SPMIP7: variants seen among roughly 807,000 people sequenced by gnomAD.
The protein encoded by SPMIP7 is protein SPMIP7.
the SPMIP7 span, among the ~76,000 whole-genome samples, chr7:50,123,754 G>A: frequency 4.6e-4 from 70 of 151,472 alleles, 1 homozygote; most frequent in African/African-American, 1.7e-3. Flanking sequence ...GCTTAAGTTG[G>A]AATTCTAAAA....
the SPMIP7 span, among the ~76,000 whole-genome samples, chr7:50,130,532 G>T: frequency 0.012 from 1,786 of 152,198 alleles, 41 homozygotes; most frequent in African/African-American, 0.04. Flanking sequence ...TCAGATTTGG[G>T]TGGGGACACA....
At chr7:50,122,810 GA>G in the SPMIP7 span, among the ~76,000 whole-genome samples, 2 of 150,318 alleles carry the variant, frequency 1.3e-5, no homozygotes, top group Middle Eastern at 3.4e-3. Context: ...AAAAACACAT[GA>G]AAAAATGCTC....
chr7:50,130,991 G>T, the SPMIP7 span, among the ~76,000 whole-genome samples: 1 of 152,112 alleles, frequency 6.6e-6, no homozygotes, highest in Admixed American at 6.6e-5. Flanking sequence ...ATTTTACCAG[G>T]ACTGTCATTC....
the SPMIP7 span, chr7:50,141,403 T>C: frequency 2.1e-6 from 3 of 1,428,100 alleles, no homozygotes; most frequent in Admixed American, 5.9e-5. Context: ...GTTCCATTCA[T>C]GATTATTTCA....
the SPMIP7 span, among the ~76,000 whole-genome samples, chr7:50,151,202 C>T: frequency 7.9e-5 from 12 of 152,098 alleles, no homozygotes; most frequent in Non-Finnish European, 1.5e-4. Context: ...AGCAGAAAAA[C>T]ATGAACTTGA....
the SPMIP7 span, among the ~76,000 whole-genome samples, chr7:50,097,721 T>C: frequency 7.9e-3 from 1,183 of 150,300 alleles, 11 homozygotes; most frequent in Non-Finnish European, 0.013. Flanking sequence ...TGAAACTTCG[T>C]AAGATAATAA....
the SPMIP7 span, among the ~76,000 whole-genome samples, chr7:50,126,940 G>A: frequency 6.6e-6 from 1 of 151,824 alleles, no homozygotes; most frequent in Non-Finnish European, 1.5e-5. Context: ...AAAAGACCTG[G>A]AATAGCCAAA....
the SPMIP7 span, chr7:50,096,029 T>C: frequency 9.5e-6 from 11 of 1,162,352 alleles, no homozygotes; most frequent in Middle Eastern, 2.5e-4. Flanking sequence ...TATAGTTAAA[T>C]ATAAAGGAAT....
At chr7:50,097,054 C>T in the SPMIP7 span, among the ~76,000 whole-genome samples, 1 of 152,148 alleles carries the variant, frequency 6.6e-6, no homozygotes, top group Non-Finnish European at 1.5e-5. Context: ...AATTTAAGTA[C>T]TTGAACGTAC....
At chr7:50,151,337 T>C in the SPMIP7 span, 21 of 851,596 alleles carry the variant, frequency 2.5e-5, no homozygotes, top group African/African-American at 3.4e-5. Context: ...AAAAAAAAAA[T>C]TAGACTGCAT....
the SPMIP7 span, among the ~76,000 whole-genome samples, chr7:50,098,693 G>A: frequency 3.3e-5 from 5 of 152,236 alleles, no homozygotes; most frequent in East Asian, 7.7e-4. Context: ...GAGAGAGAGA[G>A]AGAGCTCTAG....
At chr7:50,125,583 ATGG>A in the SPMIP7 span, among the ~76,000 whole-genome samples, 1,135 of 110,274 alleles carry the variant, frequency 0.01, 22 homozygotes, top group African/African-American at 0.034. Context: ...TAAAGAAAAT[ATGG>A]TGTGTGTGTG....
At chr7:50,159,163 C>G in the SPMIP7 span, 49 of 1,551,414 alleles carry the variant, frequency 3.2e-5, no homozygotes, top group African/African-American at 5.9e-4. Flanking sequence ...AAACCATAGA[C>G]TACTAGAGGA....
chr7:50,110,020 A>T, the SPMIP7 span, among the ~76,000 whole-genome samples: 2 of 152,158 alleles, frequency 1.3e-5, no homozygotes, highest in African/African-American at 4.8e-5. Context: ...ATTTTTTGGT[A>T]CACAATCATT....
the SPMIP7 span, among the ~76,000 whole-genome samples, chr7:50,153,686 G>T: frequency 3.3e-5 from 5 of 152,196 alleles, no homozygotes. Flanking sequence ...CACACAAGCT[G>T]CCTGGGGCTC....
At chr7:50,128,139 G>A in the SPMIP7 span, among the ~76,000 whole-genome samples, 1 of 151,864 alleles carries the variant, frequency 6.6e-6, no homozygotes, top group African/African-American at 2.4e-5. Flanking sequence ...AGCCATAAAA[G>A]AGAATAAAAT....
chr7:50,096,175 A>T, the SPMIP7 span: 2 of 1,551,574 alleles, frequency 1.3e-6, no homozygotes, highest in African/African-American at 2.7e-5. Flanking sequence ...TAGATTACCC[A>T]CACTATTGTG....
chr7:50,129,811 T>C, the SPMIP7 span: 1 of 1,493,018 alleles, frequency 6.7e-7, no homozygotes, highest in Non-Finnish European at 9.1e-7. Flanking sequence ...GTTTTCCCAG[T>C]GGAATTTTGA....
the SPMIP7 span, among the ~76,000 whole-genome samples, chr7:50,113,264 C>A: frequency 6.6e-6 from 1 of 151,974 alleles, no homozygotes; most frequent in Non-Finnish European, 1.5e-5. Context: ...AGCAACCAAC[C>A]AACAACTTAA....
Sources: allele counts gnomAD v4.1 joint callset (sites outside exome capture counted in the v4.1 genomes callset), GRCh38; gene constraint gnomAD v4.1.1; transcripts MANE v1.5; gene names NCBI Gene and HGNC (gene_info 2026-07-23, HGNC 2026-07-21).